Variants in CCNB3 observed in about 807,000 individuals in gnomAD.
CCNB3 encodes the protein cyclin B3, also known as G2/mitotic-specific cyclin-B3.
CCNB3 carries 12 observed loss-of-function variants against 68.0 expected under a neutral mutation model. The observed-to-expected ratio is 0.18, with a 90% CI of 0.11 to 0.29. The LOEUF is 0.29. CCNB3 is among the 10% of genes least tolerant of loss of function. CCNB3 has a pLI of 1.00. For synonymous variants in CCNB3, 354 were observed against 388.9 expected (o/e 0.91, Z 1.06); for missense variants, 904 against 993.1 (o/e 0.91, Z 1.21).
At chrX:50,348,766 G>C (rs1923530394) in intron 11 of CCNB3, among the ~76,000 whole-genome samples, 1 of 111,963 alleles carries the variant, frequency 8.9e-6, no homozygotes, top group Non-Finnish European at 1.9e-5. Flanking sequence ...GCTGATGAGA[G>C]GTGGAGCTAG....
At chrX:50,281,416 C>T (rs1266248668) in intron 1 of CCNB3, among the ~76,000 whole-genome samples, 1 of 110,835 alleles carries the variant, frequency 9.0e-6, no homozygotes, top group Non-Finnish European at 1.9e-5. Context: ...ATGGTCTTTG[C>T]TGTCTGTCCT....
intron 8 of CCNB3, among the ~76,000 whole-genome samples, chrX:50,316,862 T>G (rs1013771414): frequency 8.9e-6 from 1 of 112,582 alleles, no homozygotes; most frequent in Admixed American, 9.4e-5. Context: ...GAAGGGTATT[T>G]AGTTTGTTTC....
At chrX:50,321,336 T>G (rs1347764898) in intron 8 of CCNB3, among the ~76,000 whole-genome samples, 2 of 112,324 alleles carry the variant, frequency 1.8e-5, no homozygotes, top group Non-Finnish European at 3.8e-5. Context: ...AGTTTATCAG[T>G]TCTTATAACT....
Position 50,311,311 on chromosome X carries a change from T to A in CCNB3, c.3142T>A (p.Phe1048Ile), listed in dbSNP as rs1327777643. The change falls in exon 6 of 13, where the codon TTC (phenylalanine) becomes ATC (isoleucine). Residue 1048 changes from phenylalanine (F) to isoleucine (I), a missense_variant. Physicochemically the swap from Phe to Ile is conservative, Grantham distance 21. Transcript: ENST00000376042. The stretch of plus-strand genomic sequence containing the variant: ...CAAGGAAGACACCTTTCTGGAAACA[T>A]TCTTGATCCCCCAAATTGGAACCAG... ...TCKEDTFLETFLIPQIGTSPY... is the reference protein window; with the variant it reads ...TCKEDTFLETILIPQIGTSPY... 4 of 1,209,437 alleles carry A rather than the reference T, an allele frequency of 3.3e-6. No homozygotes were observed. The highest frequency in any genetic ancestry group is 4.5e-6 in the Non-Finnish European group (4 of 895,128).
chrX:50,228,539 T>A (rs1280936567), intron 1 of CCNB3, among the ~76,000 whole-genome samples: 2 of 88,758 alleles, frequency 2.3e-5, no homozygotes, highest in Non-Finnish European at 4.3e-5. Context: ...ATATAGAATA[T>A]ATATAGAAGA....
intron 5 of CCNB3, among the ~76,000 whole-genome samples, chrX:50,296,041 A>C (rs1196561580): frequency 5.4e-5 from 6 of 111,876 alleles, no homozygotes. Flanking sequence ...TGGAGTTTGC[A>C]TGCATATTTT....
At chrX:50,329,366 G>A (rs1922469467) in intron 8 of CCNB3, among the ~76,000 whole-genome samples, 1 of 112,892 alleles carries the variant, frequency 8.9e-6, no homozygotes, top group African/African-American at 3.2e-5. Context: ...TACATCCTCT[G>A]AAATCTAGGT....
At chrX:50,338,428 A>G (rs1010564073) in intron 8 of CCNB3, among the ~76,000 whole-genome samples, 1 of 112,065 alleles carries the variant, frequency 8.9e-6, no homozygotes, top group Non-Finnish European at 1.9e-5. Flanking sequence ...TCCATGTGAG[A>G]GGGACATGAT....
rs1222133384 is a variant in CCNB3 at position 50,214,261 on chromosome X, A to C, written c.-113+9311A>C. On this transcript the variant is annotated intron_variant, in intron 1 of 12. Coordinates refer to ENST00000376042, the MANE Select transcript of CCNB3 (RefSeq NM_033031.3). Reference sequence around the variant, plus strand: ...TAATCTTTTCAAAGAACCAGACTTCATTTAATTGATTTTTACTATTGGTTT... The same window carrying C: ...TAATCTTTTCAAAGAACCAGACTTCCTTTAATTGATTTTTACTATTGGTTT... 3.7e-5 allele frequency among the ~76,000 whole-genome samples: 4 copies of C among 106,988 alleles called. No homozygotes were observed. The South Asian group carries it at 1.3e-3, about 34-fold the overall frequency. 92.9% of individuals were successfully genotyped at this position (106,988 alleles called of 115,157 possible).
chrX:50,282,503 A>G (rs1361773704), intron 1 of CCNB3, among the ~76,000 whole-genome samples: 1 of 111,794 alleles, frequency 8.9e-6, no homozygotes, highest in East Asian at 2.8e-4. Context: ...ACCAGTGTGT[A>G]TGTAGGGGAC....
intron 8 of CCNB3, among the ~76,000 whole-genome samples, chrX:50,318,100 T>C (rs1443732348): frequency 9.0e-6 from 1 of 110,805 alleles, no homozygotes; most frequent in South Asian, 3.9e-4. Flanking sequence ...ATACCAATAT[T>C]CTGTTTCCTT....
intron 9 of CCNB3, 88 bp downstream of exon 9, chrX:50,342,427 AT>A: frequency 1.1e-6 from 1 of 921,837 alleles, no homozygotes; most frequent in South Asian, 2.6e-5. Flanking sequence ...ATTCATTGTT[AT>A]GTGCTGCATA....
At position 50,309,057 on chromosome X, in the gene CCNB3, A is replaced by G; in HGVS notation, c.888A>G (p.Ile296Met). The change falls in exon 6 of 13, where the codon ATA (isoleucine) becomes ATG (methionine). Residue 296 changes from isoleucine (I) to methionine (M), a missense_variant. Ile to Met is a conservative substitution (Grantham distance 10, BLOSUM62 1). This residue lies in a region of CCNB3 where 619 missense variants were observed against 609.8 expected (regional missense o/e 1.02). Coordinates refer to ENST00000376042, the MANE Select transcript of CCNB3 (RefSeq NM_033031.3). The stretch of plus-strand genomic sequence containing the variant: ...AGAAATGTACCATTTATGGGAAGAT[A>G]TGCCACTTTAGGAAGCCACCAGTAT... ...LKKKCTIYGK[I>M]CHFRKPPVLQ... 2 of 1,211,247 alleles carry G rather than the reference A, an allele frequency of 1.7e-6. No homozygotes were observed. Among genetic ancestry groups the G allele is most frequent in the Non-Finnish European group, 2.2e-6 (2 of 895,109 alleles).
intron 1 of CCNB3, among the ~76,000 whole-genome samples, chrX:50,219,969 C>T (rs1020792156): frequency 7.2e-5 from 8 of 110,868 alleles, no homozygotes; most frequent in South Asian, 3.8e-4. Flanking sequence ...TGTAGTTCTC[C>T]GTGAAGAGGT....
At chrX:50,222,635 C>T (rs1008369458) in intron 1 of CCNB3, among the ~76,000 whole-genome samples, 16 of 111,696 alleles carry the variant, frequency 1.4e-4, no homozygotes, top group African/African-American at 4.6e-4. Flanking sequence ...CAGAGAGATC[C>T]GCTGTTAGTC....
chrX:50,321,983 T>G (rs1342755723), intron 8 of CCNB3, among the ~76,000 whole-genome samples: 1 of 110,309 alleles, frequency 9.1e-6, no homozygotes, highest in African/African-American at 3.3e-5. Flanking sequence ...TCTTGAGTAT[T>G]GAGAATTTTT....
chrX:50,227,748 T>C (rs1451035214), intron 1 of CCNB3, among the ~76,000 whole-genome samples: 2 of 70,433 alleles, frequency 2.8e-5, no homozygotes, highest in Non-Finnish European at 5.2e-5. Context: ...TAAATATGTA[T>C]AGAGAGAATA....
chrX:50,226,476 T>A lies in CCNB3; in HGVS notation c.-113+21526T>A, dbSNP rs1240299638. 2.4e-4 allele frequency among the ~76,000 whole-genome samples: 16 copies of A among 67,013 alleles called. No individual in the cohort carries two copies. In the South Asian group the frequency reaches 2.8e-3, roughly 12 times the overall value. The allele number at this position is 67,013 out of a possible 115,157, so 58.2% of individuals were successfully genotyped here. On this transcript the variant is annotated intron_variant, in intron 1 of 12. Coordinates refer to ENST00000376042, the MANE Select transcript of CCNB3 (RefSeq NM_033031.3). ...TATATAAATATATATAGAATATATA[T>A]AAATATATATAGAATATATAAAAAT... is the stretch of plus-strand genomic sequence containing the variant.
At chrX:50,205,317 C>T (rs1206007158) in intron 1 of CCNB3, among the ~76,000 whole-genome samples, 1 of 111,674 alleles carries the variant, frequency 9.0e-6, no homozygotes, top group African/African-American at 3.3e-5. Context: ...TAGCGCGCGC[C>T]TGTAGTCCCA....
Sources: gnomAD v4.1 joint callset for allele counts (sites outside exome capture counted in the v4.1 genomes callset) on GRCh38, gnomAD v4.1.1 for gene constraint, gnomAD v4.1.1 regional missense constraint, MANE v1.5 for transcripts, NCBI Gene and HGNC (gene_info 2026-07-23, HGNC 2026-07-21) for gene names.